RNF8: variants seen among roughly 807,000 people sequenced by gnomAD.
RNF8 encodes ring finger protein 8.
Under a neutral mutation model 59.3 loss-of-function variants are expected in RNF8, and 8 were observed. The ratio of observed to expected loss-of-function variants is 0.13; its 90% confidence interval spans 0.08 to 0.24. RNF8 has a LOEUF of 0.24. RNF8 is among the 10% of genes least tolerant of loss of function. RNF8 has a pLI of 1.00. For missense variants in RNF8, 406 were observed against 572.6 expected (o/e 0.71, Z 2.97); for synonymous variants, 162 against 200.0 (o/e 0.81, Z 1.60).
chr6:37,392,450 G>A lies in RNF8; in HGVS notation c.*1692G>A, dbSNP rs985309090. 4 of 398,420 alleles carry A rather than the reference G, an allele frequency of 1.0e-5. No individual in the cohort carries two copies. The highest frequency in any genetic ancestry group is 2.1e-5 in the African/African-American group (1 of 48,618). The allele number at this position is 398,420 out of a possible 1,614,324, so 24.7% of individuals were successfully genotyped here. On this transcript the variant is annotated 3_prime_UTR_variant, in exon 8 of 8. Coordinates refer to ENST00000373479, the MANE Select transcript of RNF8 (RefSeq NM_003958.4). Reference sequence around the variant, plus strand: ...ATGCCTCTCACCCTTTCCCCACAGCGACTACTTCCCACTCAGAGGCAACAA... The same window carrying A: ...ATGCCTCTCACCCTTTCCCCACAGCAACTACTTCCCACTCAGAGGCAACAA...
rs1359607849 is a variant in RNF8, at chr6:37,369,203, G to A, written c.960G>A (p.Glu320=). 1 of 1,610,608 alleles carries A rather than the reference G, an allele frequency of 6.2e-7. No individual in the cohort carries two copies. The highest frequency in any genetic ancestry group is 1.1e-5 in the South Asian group (1 of 90,548). The part of the protein sequence containing the change: ...VEQLEKTFQE[E]EQHLQGLEIA... ...AACTAGAGAAGACTTTCCAGGAAGA[G>A]GAACAGCATCTTCAGGTACCACACA... Residue 320 remains glutamate, a synonymous_variant, in exon 3 of 8, where the codon GAG becomes GAA. Coordinates refer to ENST00000373479, the MANE Select transcript of RNF8 (RefSeq NM_003958.4).
chr6:37,380,113 C>T (rs1770191430), intron 6 of RNF8, among the ~76,000 whole-genome samples: 1 of 151,888 alleles, frequency 6.6e-6, no homozygotes, highest in Non-Finnish European at 1.5e-5. Context: ...GATAGGGTTT[C>T]ATCATGTCTC....
In RNF8 at chr6:37,390,877, A is replaced by T; in HGVS notation, c.*119A>T. 1 of 1,561,506 alleles carries T rather than the reference A, an allele frequency of 6.4e-7. No individual in the cohort carries two copies. Among genetic ancestry groups the T allele is most frequent in the Non-Finnish European group, 8.8e-7 (1 of 1,132,438 alleles). On this transcript the variant is annotated 3_prime_UTR_variant, in exon 8 of 8. Transcript: ENST00000373479. ...AAGGTCAACTGAGAAGTCTTGTGGG[A>T]CAGAGACTTGAGTTAGGAAGCCCTC...
At position 37,390,981 on chromosome 6, in the gene RNF8, C is replaced by G; in HGVS notation, c.*223C>G. 1.5e-6 allele frequency: 1 copy of G among 651,874 alleles called. No homozygotes were observed. 40.4% of individuals were successfully genotyped at this position (651,874 alleles called of 1,614,324 possible). ...CACCAGGATTCACGGCACCCAACTG[C>G]TTCAGGGTACTTCGTAGACTCTGCC... is the stretch of plus-strand genomic sequence containing the variant. On this transcript the variant is annotated 3_prime_UTR_variant, in exon 8 of 8. Coordinates refer to ENST00000373479, the MANE Select transcript of RNF8 (RefSeq NM_003958.4).
At chr6:37,374,194 T>G (rs1769921780) in intron 4 of RNF8, among the ~76,000 whole-genome samples, 2 of 152,240 alleles carry the variant, frequency 1.3e-5, no homozygotes, top group Admixed American at 1.3e-4. Flanking sequence ...TAAAAGCTGC[T>G]TCCAGTTCTG....
At position 37,393,483 on chromosome 6, in the gene RNF8, A is replaced by G. The variant is rs1402112984; in HGVS notation, c.*2725A>G. 3.3e-5 allele frequency: 5 copies of G among 152,346 alleles called. No individual in the cohort carries two copies. Among genetic ancestry groups the G allele is most frequent in the Admixed American group, 6.5e-5 (1 of 15,300 alleles). 9.4% of individuals were successfully genotyped at this position (152,346 alleles called of 1,614,324 possible). ...CTTTTCTGCCTTGCAGCATCAAACT[A>G]TAGTACAGCTGAGCCCCAGTGCTGT... On this transcript the variant is annotated 3_prime_UTR_variant, in exon 8 of 8. Transcript: ENST00000373479.
intron 2 of RNF8, among the ~76,000 whole-genome samples, chr6:37,368,119 A>C (rs1319800221): frequency 6.6e-6 from 1 of 152,138 alleles, no homozygotes; most frequent in Non-Finnish European, 1.5e-5. Flanking sequence ...TGCTTTCTTC[A>C]CTAATAGCAT....
intron 7 of RNF8, among the ~76,000 whole-genome samples, chr6:37,387,897 G>A (rs1308181522): frequency 1.3e-5 from 2 of 152,218 alleles, no homozygotes; most frequent in Non-Finnish European, 2.9e-5. Flanking sequence ...TAGGGGCTGA[G>A]AGAAGTACAG....
chr6:37,374,530 T>C, intron 4 of RNF8, 90 bp from the exon 5 acceptor site: 1 of 908,614 alleles, frequency 1.1e-6, no homozygotes, highest in East Asian at 2.5e-5. Flanking sequence ...ACAAAGTCAC[T>C]AACTAGAGGG....
intron 2 of RNF8, among the ~76,000 whole-genome samples, chr6:37,367,703 C>A (rs1432358674): frequency 2.6e-5 from 4 of 152,190 alleles, no homozygotes; most frequent in African/African-American, 9.7e-5. Flanking sequence ...CACTCCCAGA[C>A]AGTAAATATT....
At chr6:37,363,961 C>T (rs369978794) in intron 2 of RNF8, among the ~76,000 whole-genome samples, 1 of 152,026 alleles carries the variant, frequency 6.6e-6, no homozygotes, top group Middle Eastern at 3.4e-3. Context: ...GGGCGGATCA[C>T]GAGGTCAGGA....
Position 37,374,622 on chromosome 6 carries a change from T to C in RNF8, c.1041T>C (p.His347=), listed in dbSNP as rs187615839. Residue 347 remains histidine, a splice_region_variant and synonymous_variant, in exon 5 of 8, where the codon CAT becomes CAC. Coordinates refer to ENST00000373479, the MANE Select transcript of RNF8 (RefSeq NM_003958.4). ...ATGTATCTGCTATGTTTTTGCAGCA[T>C]TGGGCTCTAATGGAAGAGCTAAATC... ...KQQLAQALQE[H]WALMEELNRS... is the part of the protein sequence containing the mutation. 130 of 1,613,444 alleles carry C rather than the reference T, an allele frequency of 8.1e-5. 1 individual carries two copies. Among genetic ancestry groups the C allele is most frequent in the Admixed American group, 5.7e-4 (34 of 60,008 alleles).
At chr6:37,378,297 GAAAAA>G (rs1770106528) in intron 6 of RNF8, among the ~76,000 whole-genome samples, 1 of 151,478 alleles carries the variant, frequency 6.6e-6, no homozygotes, top group Non-Finnish European at 1.5e-5. Context: ...TGAAAAAAAA[GAAAAA>G]GAGAAAGAAA....
At chr6:37,388,490 A>G (rs1409944627) in intron 7 of RNF8, among the ~76,000 whole-genome samples, 4 of 152,158 alleles carry the variant, frequency 2.6e-5, no homozygotes, top group Non-Finnish European at 5.9e-5. Flanking sequence ...ATGGAAGTGG[A>G]TGAACCACTG....
chr6:37,364,039 C>T (rs191254393), intron 2 of RNF8, among the ~76,000 whole-genome samples: 254 of 151,994 alleles, frequency 1.7e-3, no homozygotes, highest in African/African-American at 5.6e-3. Context: ...ATTAGCCAGG[C>T]GTGGTGGCGG....
intron 1 of RNF8, among the ~76,000 whole-genome samples, chr6:37,355,168 G>A (rs1002525413): frequency 1.3e-5 from 2 of 152,206 alleles, no homozygotes; most frequent in African/African-American, 4.8e-5. Flanking sequence ...AAAAGACGAG[G>A]GAAGGGAGGA....
chr6:37,364,821 A>G (rs1350660859), intron 2 of RNF8, among the ~76,000 whole-genome samples: 1 of 151,960 alleles, frequency 6.6e-6, no homozygotes, highest in Non-Finnish European at 1.5e-5. Context: ...CCCAGGCTGG[A>G]GTGCAATGGC....
intron 2 of RNF8, chr6:37,361,351 T>C (rs568637874): frequency 1.9e-4 from 88 of 455,958 alleles, no homozygotes; most frequent in African/African-American, 1.6e-3. Context: ...ACCACCAGTT[T>C]GTCTAAGGAG....
rs1223247337 is a variant in RNF8, at chr6:37,381,339, A to G, written c.1426A>G (p.Ile476Val). Reference protein sequence around the residue: ...SEVKERRIVLIRERKAKRLF With the variant: ...SEVKERRIVLVRERKAKRLF ...AGTGAAAGAACGACGAATTGTTCTC[A>G]TTAGGGAACGAAAAGGTGAGTGGGT... The change falls in exon 7 of 8, where the codon ATT (isoleucine) becomes GTT (valine). Residue 476 changes from isoleucine to valine, a missense_variant. By Grantham distance (29) the Ile-to-Val change is conservative. This residue lies in a region of RNF8 where 59 missense variants were observed against 118.5 expected (regional missense o/e 0.50). Coordinates refer to ENST00000373479, the MANE Select transcript of RNF8 (RefSeq NM_003958.4). 6.2e-7 allele frequency: 1 copy of G among 1,613,960 alleles called. No individual in the cohort carries two copies. The highest frequency in any genetic ancestry group is 8.5e-7 in the Non-Finnish European group (1 of 1,179,930).
Sources: gnomAD v4.1 joint callset for allele counts (sites outside exome capture counted in the v4.1 genomes callset) on GRCh38, gnomAD v4.1.1 for gene constraint, gnomAD v4.1.1 regional missense constraint, MANE v1.5 for transcripts, NCBI Gene and HGNC (gene_info 2026-07-23, HGNC 2026-07-21) for gene names.